The following SKA2 variants were observed in gnomAD, a reference collection of about 807,000 sequenced individuals.
SKA2 encodes spindle and kinetochore associated complex subunit 2.
Under a neutral mutation model 16.9 loss-of-function variants are expected in SKA2, and 13 were observed. The ratio of observed to expected loss-of-function variants is 0.77; its 90% confidence interval spans 0.50 to 1.22. The LOEUF is 1.22. Among genes scored for constraint, SKA2 ranks in the 50% most tolerant of loss-of-function variants. SKA2 has a pLI of 0.00. For synonymous variants in SKA2, 47 were observed against 48.5 expected (o/e 0.97, Z 0.13); for missense variants, 107 against 139.7 (o/e 0.77, Z 1.18).
intron 1 of SKA2, among the ~76,000 whole-genome samples, chr17:59,149,849 C>A (rs1322031243): frequency 6.6e-6 from 1 of 152,074 alleles, no homozygotes; most frequent in Non-Finnish European, 1.5e-5. Context: ...AACTAGAGAT[C>A]AGTGGTTGCC....
chr17:59,122,342 A>G (rs2046340702), intron 2 of SKA2, among the ~76,000 whole-genome samples: 1 of 151,852 alleles, frequency 6.6e-6, no homozygotes, highest in South Asian at 2.1e-4. Context: ...GGGTGCAGTG[A>G]CTCACGCCTG....
At chr17:59,151,808 C>T (rs925113793) in intron 1 of SKA2, 1 of 153,038 alleles carries the variant, frequency 6.5e-6, no homozygotes, top group Non-Finnish European at 1.5e-5. Flanking sequence ...TAAGGGCTGT[C>T]ATAACAACAG....
At chr17:59,113,937 T>C (rs2046280296) in intron 3 of SKA2, among the ~76,000 whole-genome samples, 1 of 152,160 alleles carries the variant, frequency 6.6e-6, no homozygotes, top group Admixed American at 6.5e-5. Context: ...AAGGACTCCA[T>C]TTTTTCCATC....
At chr17:59,126,059 T>G (rs565577411) in intron 2 of SKA2, among the ~76,000 whole-genome samples, 2 of 151,864 alleles carry the variant, frequency 1.3e-5, no homozygotes, top group African/African-American at 4.8e-5. Context: ...TAGTCCCAGC[T>G]ACTCGGGAGG....
At chr17:59,152,336 G>A (rs937793890) in intron 1 of SKA2, among the ~76,000 whole-genome samples, 2 of 152,068 alleles carry the variant, frequency 1.3e-5, no homozygotes, top group East Asian at 3.9e-4. Flanking sequence ...TAGTCGGATT[G>A]AGCCTACTAA....
At chr17:59,142,582 G>A (rs1322758703) in intron 1 of SKA2, among the ~76,000 whole-genome samples, 1 of 151,372 alleles carries the variant, frequency 6.6e-6, no homozygotes, top group Non-Finnish European at 1.5e-5. Flanking sequence ...GAGTCACCGT[G>A]CCCAGCCTAT....
intron 1 of SKA2, among the ~76,000 whole-genome samples, chr17:59,133,253 T>A (rs1219928683): frequency 6.6e-6 from 1 of 152,256 alleles, no homozygotes. Flanking sequence ...TGAGCCACCA[T>A]GTCCAGCCTA....
At chr17:59,134,844 A>T (rs543545902) in intron 1 of SKA2, among the ~76,000 whole-genome samples, 3 of 151,672 alleles carry the variant, frequency 2.0e-5, no homozygotes, top group East Asian at 1.9e-4. Context: ...TTTGTCATTT[A>T]TTTTTTTTGA....
intron 2 of SKA2, among the ~76,000 whole-genome samples, chr17:59,130,626 C>CAA (rs1002412711): frequency 1.6e-5 from 2 of 123,986 alleles, no homozygotes. Flanking sequence ...TGATCCGTCT[C>CAA]AAAAAAAAAA....
chr17:59,118,555 G>A (rs1012245495), intron 3 of SKA2, among the ~76,000 whole-genome samples: 4 of 151,998 alleles, frequency 2.6e-5, no homozygotes, highest in Non-Finnish European at 4.4e-5. Context: ...AAGAATGTGT[G>A]ATTTGAGATG....
intron 3 of SKA2, among the ~76,000 whole-genome samples, chr17:59,116,666 T>C (rs1251292112): frequency 6.6e-6 from 1 of 152,122 alleles, no homozygotes; most frequent in Non-Finnish European, 1.5e-5. Context: ...CATTCTGTTA[T>C]CTATAAACAT....
intron 1 of SKA2, among the ~76,000 whole-genome samples, chr17:59,140,259 C>T (rs575929177): frequency 2.7e-5 from 4 of 150,308 alleles, no homozygotes; most frequent in South Asian, 2.1e-4. Flanking sequence ...GATGAAGTCT[C>T]GCTCTTGTCC....
chr17:59,116,179 T>C (rs148476806), intron 3 of SKA2, among the ~76,000 whole-genome samples: 3,159 of 152,164 alleles, frequency 0.021, 44 homozygotes, highest in Middle Eastern at 0.044. Flanking sequence ...GAGACCAGCC[T>C]GGCCAACTTG....
intron 2 of SKA2, among the ~76,000 whole-genome samples, chr17:59,130,208 T>G (rs1231877009): frequency 6.6e-6 from 1 of 152,088 alleles, no homozygotes; most frequent in Admixed American, 6.6e-5. Context: ...CTATAAAATG[T>G]TAGTTTAACT....
chr17:59,141,277 G>A (rs1490495061), intron 1 of SKA2, among the ~76,000 whole-genome samples: 6 of 152,042 alleles, frequency 3.9e-5, no homozygotes. Flanking sequence ...TGCGCCTGTA[G>A]TCCCAGCTAC....
At chr17:59,147,405 C>CACACACAT (rs2046542093) in intron 1 of SKA2, among the ~76,000 whole-genome samples, 3 of 151,254 alleles carry the variant, frequency 2.0e-5, no homozygotes, top group African/African-American at 4.9e-5. Flanking sequence ...CACACACACA[C>CACACACAT]ACACACATTT....
chr17:59,147,548 C>T (rs1313892439), intron 1 of SKA2, among the ~76,000 whole-genome samples: 5 of 151,910 alleles, frequency 3.3e-5, no homozygotes, highest in African/African-American at 1.2e-4. Context: ...TTTTAAAGGA[C>T]TTTTGCTTAA....
intron 1 of SKA2, among the ~76,000 whole-genome samples, chr17:59,142,291 G>GTTT (rs757348686): frequency 7.3e-6 from 1 of 136,904 alleles, no homozygotes; most frequent in Non-Finnish European, 1.6e-5. Flanking sequence ...TATATGGTGG[G>GTTT]TTTTTTTTTT....
In SKA2 at chr17:59,111,660, G is replaced by A; in HGVS notation, c.*617C>T. On this transcript the variant is annotated 3_prime_UTR_variant, in exon 4 of 4. Coordinates refer to ENST00000330137, the MANE Select transcript of SKA2 (RefSeq NM_182620.4). ...AGTCTAAAACAGCATCAGAAAGCAA[G>A]TTCATGCTGTTCAACATTAGCAGGC... 6.6e-6 allele frequency: 1 copy of A among 152,246 alleles called. No individual in the cohort carries two copies. Among genetic ancestry groups the A allele is most frequent in the Non-Finnish European group, 1.5e-5 (1 of 68,120 alleles). 9.4% of individuals were successfully genotyped at this position (152,246 alleles called of 1,614,324 possible). A position where few individuals can be genotyped will look rare whatever the true frequency, so the allele number is the denominator to read the frequency against.
Sources: allele counts gnomAD v4.1 joint callset (sites outside exome capture counted in the v4.1 genomes callset), GRCh38; gene constraint gnomAD v4.1.1; transcripts MANE v1.5; gene names NCBI Gene and HGNC (gene_info 2026-07-23, HGNC 2026-07-21).